The following FANCA variants were observed in gnomAD, a reference collection of about 807,000 sequenced individuals.
FANCA encodes the protein FA complementation group A, also known as Fanconi anemia group A protein.
FANCA carries 236 observed loss-of-function variants against 194.3 expected under a neutral mutation model. The observed-to-expected ratio is 1.21, with a 90% CI of 1.09 to 1.35. The LOEUF is 1.35. Ranked by LOEUF, FANCA falls within the 40% of genes most tolerant of loss-of-function variation. The pLI is 0.00. For missense variants in FANCA, 2,628 were observed against 1,813.9 expected (o/e 1.45, Z -8.15); for synonymous variants, 1,014 against 715.8 (o/e 1.42, Z -6.65).
intron 36 of FANCA, 142 bp from the exon 37 acceptor site, chr16:89,743,080 A>T (rs1459269515): frequency 2.1e-6 from 2 of 947,062 alleles, no homozygotes; most frequent in African/African-American, 1.7e-5. Context: ...ACCATCAGAA[A>T]CTAGGTCTGC....
At chr16:89,754,224 A>T (rs937458488) in intron 30 of FANCA, among the ~76,000 whole-genome samples, 5 of 116,300 alleles carry the variant, frequency 4.3e-5, no homozygotes, top group Admixed American at 9.3e-5. Context: ...TCCGTCTCAG[A>T]AAAAAAAAAA....
chr16:89,765,117 G>T, intron 27 of FANCA, 51 bp from the exon 28 acceptor site: 1 of 1,600,028 alleles, frequency 6.2e-7, no homozygotes, highest in South Asian at 1.1e-5. Flanking sequence ...GTTTCACTGT[G>T]AGTGGCTGAG....
intron 23 of FANCA, 148 bp downstream of exon 23, chr16:89,771,530 G>A: frequency 1.2e-6 from 1 of 835,840 alleles, no homozygotes; most frequent in Middle Eastern, 3.3e-4. Context: ...GCTGACCCTG[G>A]TACACCGCTG....
At chr16:89,793,578 T>C (rs1037473978) in intron 11 of FANCA, among the ~76,000 whole-genome samples, 2 of 152,164 alleles carry the variant, frequency 1.3e-5, no homozygotes, top group African/African-American at 2.4e-5. Flanking sequence ...CTTGCCTTGG[T>C]GCCTGGGTGG....
intron 20 of FANCA, among the ~76,000 whole-genome samples, chr16:89,777,014 A>G (rs2039529200): frequency 6.6e-6 from 1 of 152,022 alleles, no homozygotes; most frequent in Non-Finnish European, 1.5e-5. Flanking sequence ...GAGAGAGAGA[A>G]GCCTGGGCAA....
chr16:89,759,996 G>C (rs1025635211), intron 29 of FANCA, among the ~76,000 whole-genome samples: 7 of 151,798 alleles, frequency 4.6e-5, no homozygotes, highest in Non-Finnish European at 8.8e-5. Context: ...CCGGGACCGG[G>C]GTGCTCCACC....
chr16:89,742,651 TA>T, intron 37 of FANCA, 148 bp downstream of exon 37: 1 of 556,164 alleles, frequency 1.8e-6, no homozygotes, highest in Middle Eastern at 3.9e-4. Context: ...CTACTAAAAA[TA>T]CAAAAAAAAA....
rs771195871 is a variant in FANCA, at chr16:89,805,322, C to T, written c.667G>A (p.Ala223Thr). ...NLCCLCEQME[A>T]SCQHADVARA... is the part of the protein sequence containing the mutation. Reference sequence around the variant, plus strand: ...GCGACGTCAGCATGCTGGCAGGATGCTTCCATCTGTTCACAAAGGCAGCAC... The same window carrying T: ...GCGACGTCAGCATGCTGGCAGGATGTTTCCATCTGTTCACAAAGGCAGCAC... Residue 223 changes from alanine (A) to threonine (T), a missense_variant, in exon 7 of 43, where the codon GCA (alanine) becomes ACA (threonine). Ala to Thr is a moderately conservative substitution (Grantham distance 58). Transcript: ENST00000389301. 13 of 1,614,050 alleles carry T rather than the reference C, an allele frequency of 8.1e-6. 1 individual carries two copies. The South Asian group carries it at 1.3e-4, about 16-fold the overall frequency.
chr16:89,808,141 C>T (rs539246089), intron 6 of FANCA, among the ~76,000 whole-genome samples, 153 bp downstream of exon 6: 4 of 152,140 alleles, frequency 2.6e-5, no homozygotes, highest in Non-Finnish European at 5.9e-5. Flanking sequence ...TCCTCCAGGT[C>T]TAGTCTAGTA....
At chr16:89,762,352 G>A (rs2038979458) in intron 28 of FANCA, among the ~76,000 whole-genome samples, 1 of 152,040 alleles carries the variant, frequency 6.6e-6, no homozygotes, top group Non-Finnish European at 1.5e-5. Context: ...CCAGCACTTT[G>A]GGAGGCTGAG....
rs1488698920 is a variant in FANCA at position 89,737,698 on chromosome 16, C to G, written c.*903G>C. On this transcript the variant is annotated 3_prime_UTR_variant, in exon 43 of 43. Coordinates refer to ENST00000389301, the MANE Select transcript of FANCA (RefSeq NM_000135.4). ...TGCTTGGGCCCACTGCATGGTGAAC[C>G]ATGTGCAGAAATGTCTTCCCAGCTG... 1.7e-5 allele frequency: 27 copies of G among 1,576,260 alleles called. No individual in the cohort carries two copies. In the Admixed American group the frequency reaches 4.0e-4, roughly 24 times the overall value.
rs1442760369 is a variant in FANCA at position 89,774,816 on chromosome 16, G to C, written c.1900+926C>G. On this transcript the variant is annotated intron_variant, in intron 21 of 42. Coordinates refer to ENST00000389301, the MANE Select transcript of FANCA (RefSeq NM_000135.4). ...GATCTAGAAGAGCACACAAGGGGCT[G>C]GGTACGGTTGCTCATGCCTGTAATC... Among the ~76,000 whole-genome samples the C allele has an allele frequency of 3.3e-5, 5 of 150,312 alleles. No individual in the cohort carries two copies. In the East Asian group the frequency reaches 9.8e-4, roughly 29 times the overall value.
intron 27 of FANCA, among the ~76,000 whole-genome samples, chr16:89,766,641 G>A (rs1199906900): frequency 6.6e-6 from 1 of 151,946 alleles, no homozygotes; most frequent in Non-Finnish European, 1.5e-5. Flanking sequence ...CCTGAACCCG[G>A]GAGGTGGAGG....
At chr16:89,791,573 G>T in intron 13 of FANCA, 37 bp from the exon 14 acceptor site, 1 of 1,612,696 alleles carries the variant, frequency 6.2e-7, no homozygotes, top group Non-Finnish European at 8.5e-7. Context: ...AGCAAGGCAA[G>T]GGCAGCCAGC....
chr16:89,780,044 T>G, intron 17 of FANCA, 87 bp from the exon 18 acceptor site: 1 of 1,223,474 alleles, frequency 8.2e-7, no homozygotes, highest in Non-Finnish European at 1.2e-6. Context: ...AACCTGTGCT[T>G]CCTTGTTGAA....
In FANCA at chr16:89,796,028, C is replaced by T. The variant is rs751912856; in HGVS notation, c.894-10G>A. The T allele has an allele frequency of 6.2e-6, 10 of 1,608,656 alleles. No individual in the cohort carries two copies. The highest frequency in any genetic ancestry group is 3.3e-4 in the Middle Eastern group (2 of 6,070). On this transcript the variant is annotated splice_polypyrimidine_tract_variant and intron_variant, in intron 10 of 42. Coordinates refer to ENST00000389301, the MANE Select transcript of FANCA (RefSeq NM_000135.4). ...ACTGAACACTCCGAACCTGCCAATGCAGCAGAAAGAGGGGTCAGGAAAGGG... is the reference window on the plus strand; with the variant it reads ...ACTGAACACTCCGAACCTGCCAATGTAGCAGAAAGAGGGGTCAGGAAAGGG...
chr16:89,799,023 C>A, intron 10 of FANCA, 143 bp downstream of exon 10: 7 of 1,614,238 alleles, frequency 4.3e-6, no homozygotes, highest in Non-Finnish European at 5.9e-6. Flanking sequence ...GCCTCCTCCT[C>A]ACGCACGTTA....
At chr16:89,790,149 C>G (rs1005057815) in intron 14 of FANCA, among the ~76,000 whole-genome samples, 1 of 152,180 alleles carries the variant, frequency 6.6e-6, no homozygotes, top group Non-Finnish European at 1.5e-5. Flanking sequence ...TGCCTGTAAT[C>G]CCTGCACTTT....
At chr16:89,772,366 C>G (rs577983257) in intron 22 of FANCA, among the ~76,000 whole-genome samples, 1 of 152,368 alleles carries the variant, frequency 6.6e-6, no homozygotes, top group Admixed American at 6.5e-5. Flanking sequence ...CGCACTTGGT[C>G]TGAGTGAAGA....
Sources: gnomAD v4.1 joint callset for allele counts (sites outside exome capture counted in the v4.1 genomes callset) on GRCh38, gnomAD v4.1.1 for gene constraint, MANE v1.5 for transcripts, NCBI Gene and HGNC (gene_info 2026-07-23, HGNC 2026-07-21) for gene names.